Variants in PRKN observed in about 807,000 individuals in gnomAD.
The protein encoded by PRKN is E3 ubiquitin-protein ligase parkin.
In PRKN, 56 loss-of-function variants were observed where a neutral mutation model predicts 59.5. The observed-to-expected ratio is 0.94, with a 90% CI of 0.76 to 1.18. PRKN has a LOEUF of 1.18. PRKN is among the 50% of genes most tolerant of loss of function. The pLI is 0.00. For missense variants in PRKN, 657 were observed against 596.4 expected (o/e 1.10, Z -1.06); for synonymous variants, 250 against 222.1 (o/e 1.13, Z -1.12).
chr6:162,312,722 G>C (rs1434306871), intron 2 of PRKN, among the ~76,000 whole-genome samples: 2 of 152,112 alleles, frequency 1.3e-5, no homozygotes, highest in East Asian at 3.9e-4. Flanking sequence ...AGCCTTTGTG[G>C]ATCGGATAAA....
At chr6:162,726,924 T>C (rs1779237397) in intron 1 of PRKN, among the ~76,000 whole-genome samples, 1 of 152,152 alleles carries the variant, frequency 6.6e-6, no homozygotes, top group South Asian at 2.1e-4. Context: ...TTGCTCATCT[T>C]ACACATCAAG....
chr6:162,068,567 G>A (rs1778436023), intron 4 of PRKN, among the ~76,000 whole-genome samples: 1 of 152,244 alleles, frequency 6.6e-6, no homozygotes, highest in East Asian at 1.9e-4. Flanking sequence ...TCATTACAAG[G>A]GCCTCGGCTT....
intron 5 of PRKN, among the ~76,000 whole-genome samples, chr6:162,001,821 C>T (rs970979880): frequency 1.4e-5 from 2 of 147,560 alleles, no homozygotes; most frequent in African/African-American, 5.0e-5. Flanking sequence ...TTAGAAAGTT[C>T]CCCTGTATCT....
intron 7 of PRKN, among the ~76,000 whole-genome samples, chr6:161,603,005 T>TC (rs1470305954): frequency 6.6e-6 from 1 of 152,180 alleles, no homozygotes; most frequent in Non-Finnish European, 1.5e-5. Flanking sequence ...CCACATTACT[T>TC]CCCTTGACCT....
chr6:161,568,580 A>G (rs1780741295), intron 8 of PRKN, among the ~76,000 whole-genome samples: 1 of 131,324 alleles, frequency 7.6e-6, no homozygotes. Flanking sequence ...GCGACAGAGC[A>G]AGACTCCTTC....
chr6:161,961,513 C>A (rs529519946), intron 6 of PRKN, among the ~76,000 whole-genome samples: 2 of 152,236 alleles, frequency 1.3e-5, no homozygotes, highest in Non-Finnish European at 2.9e-5. Context: ...TTGGGGAAAA[C>A]TTAGCCTAAA....
intron 5 of PRKN, among the ~76,000 whole-genome samples, chr6:162,053,782 G>A (rs535862689): frequency 6.6e-6 from 1 of 152,236 alleles, no homozygotes; most frequent in South Asian, 2.1e-4. Flanking sequence ...TGGAGGCTCT[G>A]CACTGGCTCT....
chr6:162,151,272 A>C (rs1782259794), intron 4 of PRKN, among the ~76,000 whole-genome samples: 1 of 152,206 alleles, frequency 6.6e-6, no homozygotes, highest in Admixed American at 6.5e-5. Flanking sequence ...GTTTGTCTCA[A>C]GGTTTGGCTC....
intron 2 of PRKN, chr6:162,267,061 A>G (rs941898221): frequency 2.0e-5 from 3 of 152,176 alleles, no homozygotes; most frequent in African/African-American, 7.2e-5. Context: ...ATTTTCAGGG[A>G]CAGGTAAAAT....
intron 7 of PRKN, among the ~76,000 whole-genome samples, chr6:161,672,774 A>T (rs1436688973): frequency 6.6e-6 from 1 of 152,094 alleles, no homozygotes; most frequent in African/African-American, 2.4e-5. Context: ...AGACTCCATT[A>T]CACAAAACAA....
chr6:161,927,131 T>C (rs1778998834), intron 6 of PRKN, among the ~76,000 whole-genome samples: 2 of 152,206 alleles, frequency 1.3e-5, no homozygotes, highest in Admixed American at 1.3e-4. Flanking sequence ...TGGGAGTTGT[T>C]TTCTAGTTTG....
rs138647431 is a variant in PRKN, at chr6:161,842,344, C to T, written c.735-56436G>A. Among the ~76,000 whole-genome samples the T allele has an allele frequency of 1.9e-3, 288 of 151,752 alleles. 1 individual carries two copies. The highest frequency in any genetic ancestry group is 6.5e-3 in the African/African-American group (271 of 41,418). ...ACTAAAAATACAAAATTTAGCTAGG[C>T]ACCTGTAATCCCAGCTACTTGGGAG... On this transcript the variant is annotated intron_variant, in intron 6 of 11. Transcript: ENST00000366898.
At chr6:162,611,096 T>C (rs13212608) in intron 1 of PRKN, among the ~76,000 whole-genome samples, 15,468 of 152,278 alleles carry the variant, frequency 0.1, 935 homozygotes, top group Middle Eastern at 0.19. Flanking sequence ...TGAATCCTTT[T>C]GTAATATCTA....
At chr6:161,934,062 G>A (rs1779265699) in intron 6 of PRKN, among the ~76,000 whole-genome samples, 1 of 152,186 alleles carries the variant, frequency 6.6e-6, no homozygotes, top group South Asian at 2.1e-4. Flanking sequence ...ATAATCCCCA[G>A]GTAACGAGAG....
chr6:162,010,203 ATATATATATTATATAT>A (rs1782438164), intron 5 of PRKN, among the ~76,000 whole-genome samples: 1 of 136,756 alleles, frequency 7.3e-6, no homozygotes, highest in African/African-American at 2.8e-5. Context: ...CAAATTTCTG[ATATATATATTATATAT>A]ACATAATATA....
At chr6:161,834,830 A>G (rs888420956) in intron 6 of PRKN, among the ~76,000 whole-genome samples, 2 of 152,198 alleles carry the variant, frequency 1.3e-5, no homozygotes, top group African/African-American at 4.8e-5. Flanking sequence ...ATTCTGGGAG[A>G]CAGCAAGTTT....
At chr6:161,779,416 TTTTTTC>T (rs1486694697) in intron 7 of PRKN, among the ~76,000 whole-genome samples, 4 of 140,452 alleles carry the variant, frequency 2.8e-5, no homozygotes, top group African/African-American at 7.9e-5. Flanking sequence ...TTCTTTTCTT[TTTTTTC>T]TCTTTTTCTT....
intron 4 of PRKN, among the ~76,000 whole-genome samples, chr6:162,156,049 C>T (rs2849611): frequency 0.94 from 142,758 of 152,020 alleles, 67,490 homozygotes; most frequent in Non-Finnish European, 1. Context: ...AAATATATGC[C>T]TTCACCCACA....
chr6:161,404,893 T>A (rs62435929), intron 9 of PRKN, among the ~76,000 whole-genome samples: 2,468 of 152,278 alleles, frequency 0.016, 32 homozygotes, highest in Non-Finnish European at 0.023. Flanking sequence ...AAAAACAGAA[T>A]GCGAAGCCGT....
Sources: gnomAD v4.1 joint callset for allele counts (sites outside exome capture counted in the v4.1 genomes callset) on GRCh38, gnomAD v4.1.1 for gene constraint, MANE v1.5 for transcripts, NCBI Gene and HGNC (gene_info 2026-07-23, HGNC 2026-07-21) for gene names.